The following DNAJC12 variants were observed in gnomAD, a reference collection of about 807,000 sequenced individuals.
DNAJC12 encodes the protein DnaJ heat shock protein family (Hsp40) member C12.
DNAJC12 carries 25 observed loss-of-function variants against 28.5 expected under a neutral mutation model. The ratio of observed to expected loss-of-function variants is 0.88; its 90% CI spans 0.64 to 1.22. DNAJC12 has a LOEUF of 1.22. DNAJC12 is among the 50% of genes most tolerant of loss of function. The pLI is 0.00. For synonymous variants in DNAJC12, 77 were observed against 80.6 expected, an observed-to-expected ratio of 0.95 and a Z score of 0.24; for missense variants, 222 against 231.7, an observed-to-expected ratio of 0.96 and a Z score of 0.27.
At chr10:67,816,028 G>A (rs768368203) in intron 2 of DNAJC12, 1 of 398,384 alleles carries the variant, frequency 2.5e-6, no homozygotes, top group African/African-American at 2.1e-5. Context: ...GCCACACAAG[G>A]TAAACACTTG....
intron 3 of DNAJC12, 40 bp from the exon 4 acceptor site, chr10:67,805,827 T>A: frequency 6.9e-7 from 1 of 1,449,068 alleles, no homozygotes; most frequent in South Asian, 1.5e-5. Context: ...ATTAAATTGA[T>A]ATTATATGAT....
intron 3 of DNAJC12, among the ~76,000 whole-genome samples, chr10:67,808,029 T>A (rs919437356): frequency 1.3e-5 from 2 of 152,230 alleles, no homozygotes; most frequent in Non-Finnish European, 1.5e-5. Flanking sequence ...ATCAGAGTGA[T>A]GCTAAGCAGC....
intron 3 of DNAJC12, among the ~76,000 whole-genome samples, chr10:67,807,132 G>T (rs1332865658): frequency 1.3e-5 from 2 of 150,584 alleles, no homozygotes; most frequent in African/African-American, 4.9e-5. Context: ...AAGGTAGTGT[G>T]TGCCTGTAAT....
chr10:67,814,533 AC>A (rs1841895119), intron 2 of DNAJC12, among the ~76,000 whole-genome samples: 1 of 152,208 alleles, frequency 6.6e-6, no homozygotes, highest in East Asian at 1.9e-4. Context: ...CAAAATTAAA[AC>A]TTTTGTGCCT....
At chr10:67,805,553 TC>T (rs756378321) in intron 4 of DNAJC12, 29 bp downstream of exon 4, 1 of 1,570,352 alleles carries the variant, frequency 6.4e-7, no homozygotes, top group African/African-American at 1.4e-5. Context: ...TCAGACCTTC[TC>T]CATTCTGCAG....
At chr10:67,812,063 GTAAAACTGAAGACTATAAAGACTA>G (rs1430780677) in intron 2 of DNAJC12, among the ~76,000 whole-genome samples, 16 of 152,012 alleles carry the variant, frequency 1.1e-4, no homozygotes, top group Admixed American at 7.2e-4. Flanking sequence ...AAGAGGGACA[GTAAAACTGAAGACTATAAAGACTA>G]TAAAACTGAA....
intron 2 of DNAJC12, among the ~76,000 whole-genome samples, chr10:67,812,018 T>C (rs535918247): frequency 1.3e-5 from 2 of 152,272 alleles, no homozygotes; most frequent in Non-Finnish European, 2.9e-5. Context: ...ACTACCTTTT[T>C]TAGTGCTGGG....
intron 2 of DNAJC12, among the ~76,000 whole-genome samples, chr10:67,813,804 A>G (rs956898419): frequency 1.3e-5 from 2 of 151,754 alleles, no homozygotes; most frequent in African/African-American, 4.8e-5. Context: ...ATTTTTAAAA[A>G]ATTGAACAAA....
At chr10:67,828,538 A>G (rs1219205297) in intron 1 of DNAJC12, among the ~76,000 whole-genome samples, 2 of 152,172 alleles carry the variant, frequency 1.3e-5, no homozygotes, top group African/African-American at 4.8e-5. Flanking sequence ...GTAATTAACT[A>G]TGTGTTTCCT....
intron 3 of DNAJC12, among the ~76,000 whole-genome samples, chr10:67,806,542 GGCT>G (rs1841802242): frequency 6.6e-6 from 1 of 152,168 alleles, no homozygotes; most frequent in South Asian, 2.1e-4. Flanking sequence ...AAAGAAAAGA[GGCT>G]GGGCACAGTG....
intron 1 of DNAJC12, among the ~76,000 whole-genome samples, chr10:67,826,520 CACAT>C (rs1285610601): frequency 7.0e-6 from 1 of 142,284 alleles, no homozygotes; most frequent in East Asian, 2.0e-4. Context: ...ATATATATCT[CACAT>C]ATATATCTTA....
At chr10:67,804,026 A>T (rs1841774525) in intron 4 of DNAJC12, among the ~76,000 whole-genome samples, 2 of 152,208 alleles carry the variant, frequency 1.3e-5, no homozygotes, top group South Asian at 2.1e-4. Flanking sequence ...AATCCACCAC[A>T]AGCCATCTAA....
intron 3 of DNAJC12, among the ~76,000 whole-genome samples, chr10:67,809,138 C>T (rs1038642937): frequency 1.3e-5 from 2 of 152,164 alleles, no homozygotes; most frequent in Non-Finnish European, 2.9e-5. Context: ...ATTGAAGTGG[C>T]ATAAGATAGT....
chr10:67,824,720 TTTTA>T (rs528660440), intron 1 of DNAJC12, among the ~76,000 whole-genome samples: 178 of 151,688 alleles, frequency 1.2e-3, no homozygotes, highest in Middle Eastern at 3.4e-3. Context: ...TTTTATTTTA[TTTTA>T]TTTATTTATT....
intron 2 of DNAJC12, among the ~76,000 whole-genome samples, chr10:67,814,699 G>T (rs972256994): frequency 2.0e-5 from 3 of 152,108 alleles, no homozygotes; most frequent in Non-Finnish European, 2.9e-5. Flanking sequence ...AATGGACAAA[G>T]GGCTTGAATG....
intron 3 of DNAJC12, among the ~76,000 whole-genome samples, chr10:67,808,872 T>C (rs771421351): frequency 2.0e-4 from 31 of 152,206 alleles, no homozygotes; most frequent in Non-Finnish European, 4.4e-4. Flanking sequence ...AGGTGTTGAA[T>C]TGCATACTGT....
chr10:67,829,886 T>G (rs1263901007), intron 1 of DNAJC12, among the ~76,000 whole-genome samples: 1 of 152,024 alleles, frequency 6.6e-6, no homozygotes, highest in Non-Finnish European at 1.5e-5. Context: ...TGAGAAAAGG[T>G]AAGATATGTG....
chr10:67,816,051 A>G, intron 2 of DNAJC12: 1 of 398,512 alleles, frequency 2.5e-6, no homozygotes, highest in Non-Finnish European at 4.4e-6. Flanking sequence ...AGTTCTGGGA[A>G]GAGAGATCTC....
intron 1 of DNAJC12, among the ~76,000 whole-genome samples, chr10:67,836,641 A>G (rs1462949488): frequency 6.6e-6 from 1 of 152,216 alleles, no homozygotes; most frequent in Non-Finnish European, 1.5e-5. Flanking sequence ...ATTCTTGAGA[A>G]GAAATATGCA....
Sources: gnomAD v4.1 joint callset for allele counts (sites outside exome capture counted in the v4.1 genomes callset) on GRCh38, gnomAD v4.1.1 for gene constraint, MANE v1.5 for transcripts, NCBI Gene and HGNC (gene_info 2026-07-23, HGNC 2026-07-21) for gene names.